C12orf54: variants seen among roughly 807,000 people sequenced by gnomAD.
C12orf54 encodes the protein chromosome 12 open reading frame 54, also known as uncharacterized protein C12orf54.
C12orf54 carries 24 observed loss-of-function variants against 26.4 expected under a neutral mutation model. The observed-to-expected ratio is 0.91, with a 90% CI of 0.66 to 1.28. C12orf54 has a LOEUF of 1.28. Among genes scored for constraint, C12orf54 ranks in the 50% most tolerant of loss-of-function variants. The probability of loss-of-function intolerance (pLI) is 0.00; values close to 1 mark genes in which losing one functional copy is unlikely to be tolerated. For synonymous variants in C12orf54, 54 were observed against 47.0 expected, an observed-to-expected ratio of 1.15 and a Z score of -0.61; for missense variants, 154 against 150.9, an observed-to-expected ratio of 1.02 and a Z score of -0.11.
chr12:48,489,411 C>T (rs1425691277), intron 5 of C12orf54: 1 of 274,284 alleles, frequency 3.6e-6, no homozygotes, highest in African/African-American at 2.2e-5. Flanking sequence ...CTATAGATTT[C>T]AGTGTCTCTC....
chr12:48,428,949 A>G, the C12orf54 span, among the ~76,000 whole-genome samples: 1 of 152,198 alleles, frequency 6.6e-6, no homozygotes, highest in African/African-American at 2.4e-5. Context: ...CCAAAAACAT[A>G]TCAGAAAGAT....
chr12:48,434,222 C>G, the C12orf54 span, among the ~76,000 whole-genome samples: 1 of 152,218 alleles, frequency 6.6e-6, no homozygotes, highest in Non-Finnish European at 1.5e-5. Flanking sequence ...GGGAGGGGCG[C>G]CCGCCATTGC....
chr12:48,444,293 T>C, the C12orf54 span, among the ~76,000 whole-genome samples: 1 of 152,200 alleles, frequency 6.6e-6, no homozygotes, highest in African/African-American at 2.4e-5. Flanking sequence ...ATCACATCAT[T>C]GGCAGAAGAT....
the C12orf54 span, among the ~76,000 whole-genome samples, chr12:48,439,200 A>G: frequency 6.6e-6 from 1 of 152,248 alleles, no homozygotes; most frequent in Non-Finnish European, 1.5e-5. Context: ...ACAATGAGAT[A>G]CCATCTCACA....
chr12:48,445,437 G>T, the C12orf54 span, among the ~76,000 whole-genome samples: 1 of 152,104 alleles, frequency 6.6e-6, no homozygotes, highest in Non-Finnish European at 1.5e-5. Context: ...ATAATTATAG[G>T]GGATATCCAT....
At chr12:48,483,605 G>T (rs1430616346) in intron 2 of C12orf54, 1 of 441,100 alleles carries the variant, frequency 2.3e-6, no homozygotes, top group African/African-American at 2.0e-5. Flanking sequence ...GGTTGGCGGG[G>T]TATACAAACT....
At chr12:48,473,509 T>A in the C12orf54 span, 1 of 390,376 alleles carries the variant, frequency 2.6e-6, no homozygotes, top group African/African-American at 2.1e-5. Context: ...GAAACTTATT[T>A]TTTTCTGATT....
At chr12:48,435,287 G>GGT in the C12orf54 span, among the ~76,000 whole-genome samples, 653 of 152,314 alleles carry the variant, frequency 4.3e-3, 4 homozygotes, top group African/African-American at 0.015. Context: ...ACGTCTGACT[G>GGT]GTGTACCTGA....
chr12:48,483,417 G>C (rs1954221987), intron 2 of C12orf54, 56 bp downstream of exon 2: 1 of 1,538,840 alleles, frequency 6.5e-7, no homozygotes, highest in Admixed American at 1.7e-5. Flanking sequence ...CTCTATGGGA[G>C]AAGAACCAGG....
chr12:48,480,016 A>T (rs1954182326), upstream of C12orf54, among the ~76,000 whole-genome samples: 2 of 152,162 alleles, frequency 1.3e-5, no homozygotes, highest in South Asian at 4.1e-4. Flanking sequence ...ATATATATAT[A>T]TAATGTAACA....
chr12:48,483,292 A>G lies in C12orf54; in HGVS notation c.-5A>G, dbSNP rs1435659349. The G allele has an allele frequency of 6.2e-7, 1 of 1,613,792 alleles. No individual in the cohort carries two copies. Among genetic ancestry groups the G allele is most frequent in the East Asian group, 2.2e-5 (1 of 44,876 alleles). On this transcript the variant is annotated 5_prime_UTR_variant, in exon 2 of 9. Transcript: ENST00000548364. The stretch of plus-strand genomic sequence containing the variant: ...CCAGAGTCCTTGGTTTCTGTCTGAG[A>G]ACAAATGGCACAGCATCCCTGCCAG...
chr12:48,494,926 A>T lies in C12orf54; in HGVS notation c.371A>T (p.Tyr124Phe). The change falls in exon 8 of 9, where the codon TAC (tyrosine) becomes TTC (phenylalanine). Residue 124 changes from tyrosine (Y) to phenylalanine (F), a missense_variant. Transcript: ENST00000548364. Reference sequence around the variant, plus strand: ...CAGCTCTTCAGTCAATCAGCTTACTACCCTGGACCCTAACTCTACAATCAA... The same window carrying T: ...CAGCTCTTCAGTCAATCAGCTTACTTCCCTGGACCCTAACTCTACAATCAA... ...KTQLFSQSAYYPGP is the reference protein window; with the variant it reads ...KTQLFSQSAYFPGP The T allele has an allele frequency of 6.2e-7, 1 of 1,613,198 alleles. No homozygotes were observed. The highest frequency in any genetic ancestry group is 1.3e-5 in the African/African-American group (1 of 75,010).
the C12orf54 span, among the ~76,000 whole-genome samples, chr12:48,432,206 TA>T: frequency 6.6e-6 from 1 of 152,120 alleles, no homozygotes; most frequent in African/African-American, 2.4e-5. Context: ...AAAAACCATA[TA>T]ACCATTTCAA....
the C12orf54 span, among the ~76,000 whole-genome samples, chr12:48,416,862 C>CA: frequency 0.15 from 21,211 of 145,126 alleles, 1,934 homozygotes; most frequent in Non-Finnish European, 0.22. Flanking sequence ...ACTCCATCTC[C>CA]AAAAAAAAAA....
the C12orf54 span, among the ~76,000 whole-genome samples, chr12:48,464,003 T>G: frequency 8.8e-3 from 1,337 of 152,150 alleles, 20 homozygotes; most frequent in African/African-American, 0.031. Flanking sequence ...GCTAGAAGCA[T>G]TCCCCTTGAA....
chr12:48,473,663 C>A, the C12orf54 span: 1 of 256,800 alleles, frequency 3.9e-6, no homozygotes, highest in Non-Finnish European at 7.6e-6. Flanking sequence ...CAGTTTTTGT[C>A]CCTGTAAATG....
the C12orf54 span, among the ~76,000 whole-genome samples, chr12:48,438,657 G>C: frequency 1.3e-5 from 2 of 152,170 alleles, no homozygotes; most frequent in Non-Finnish European, 2.9e-5. Context: ...AATGGGGAAA[G>C]GATTCCCTAT....
the C12orf54 span, among the ~76,000 whole-genome samples, chr12:48,438,725 C>G: frequency 6.6e-6 from 1 of 152,156 alleles, no homozygotes. Context: ...AAACTGGATC[C>G]CTTCCTTACA....
At chr12:48,477,759 C>T (rs973945783), upstream of C12orf54, among the ~76,000 whole-genome samples, 10 of 152,130 alleles carry the variant, frequency 6.6e-5, no homozygotes, top group Non-Finnish European at 1.0e-4. Flanking sequence ...TAATCAATAG[C>T]TTAACAACCA....
Sources: gnomAD v4.1 joint callset for allele counts (sites outside exome capture counted in the v4.1 genomes callset) on GRCh38, gnomAD v4.1.1 for gene constraint, MANE v1.5 for transcripts, NCBI Gene and HGNC (gene_info 2026-07-23, HGNC 2026-07-21) for gene names.